The following MFHAS1 variants were observed in gnomAD, a reference collection of about 807,000 sequenced individuals.
MFHAS1 encodes the protein multifunctional ROCO family signaling regulator 1, also known as malignant fibrous histiocytoma-amplified sequence 1.
Under a neutral mutation model 70.4 loss-of-function variants are expected in MFHAS1, and 50 were observed. That is an observed-to-expected ratio of 0.71 (90% confidence interval 0.57 to 0.90). MFHAS1 has a LOEUF of 0.90. Among genes scored for constraint, MFHAS1 ranks in the 40% least tolerant of loss-of-function variants. The pLI, the probability that MFHAS1 is intolerant of heterozygous loss-of-function variation, is 0.00. For synonymous variants in MFHAS1, 952 were observed against 620.0 expected (o/e 1.54, Z -7.96); for missense variants, 1,795 against 1,347.6 (o/e 1.33, Z -5.20).
intron 1 of MFHAS1, among the ~76,000 whole-genome samples, chr8:8,822,526 T>C (rs1806999238): frequency 1.8e-5 from 2 of 112,950 alleles, no homozygotes; most frequent in African/African-American, 3.5e-5. Flanking sequence ...AGGGATCACG[T>C]CAGGGGGATT....
intron 1 of MFHAS1, among the ~76,000 whole-genome samples, chr8:8,814,687 A>G (rs1806671737): frequency 2.6e-5 from 4 of 152,166 alleles, no homozygotes; most frequent in Admixed American, 2.0e-4. Flanking sequence ...AAAACTTAAG[A>G]AAATAAATAA....
chr8:8,795,539 A>T (rs1805862143), intron 2 of MFHAS1, among the ~76,000 whole-genome samples: 1 of 152,274 alleles, frequency 6.6e-6, no homozygotes, highest in African/African-American at 2.4e-5. Flanking sequence ...AGAGCATTAG[A>T]TAACAGTTTC....
Position 8,786,086 on chromosome 8 carries a change from G to C in MFHAS1, c.3126-31C>G, listed in dbSNP as rs112960520. On this transcript the variant is annotated intron_variant, in intron 2 of 2. Transcript: ENST00000276282. Reference sequence around the variant, plus strand: ...TGGGTGGACAACAAGAAAGCACAGAGATGACAAAAACGTACTGGACAATGC... The same window carrying C: ...TGGGTGGACAACAAGAAAGCACAGACATGACAAAAACGTACTGGACAATGC... The C allele has an allele frequency of 3.2e-5, 52 of 1,607,288 alleles. No homozygotes were observed. The African/African-American group carries it at 5.6e-4, about 17-fold the overall frequency.
chr8:8,862,448 C>T (rs1808702816), intron 1 of MFHAS1, among the ~76,000 whole-genome samples: 1 of 149,658 alleles, frequency 6.7e-6, no homozygotes, highest in African/African-American at 2.5e-5. Flanking sequence ...TATAGATTGT[C>T]TCTTCATCTT....
At chr8:8,802,434 T>C (rs1226426286) in intron 1 of MFHAS1, among the ~76,000 whole-genome samples, 5 of 152,202 alleles carry the variant, frequency 3.3e-5, no homozygotes, top group African/African-American at 1.2e-4. Flanking sequence ...TCTAAAGGCT[T>C]ACTCTTCTAA....
At chr8:8,834,362 T>G (rs545613292) in intron 1 of MFHAS1, among the ~76,000 whole-genome samples, 4 of 152,348 alleles carry the variant, frequency 2.6e-5, no homozygotes, top group African/African-American at 9.6e-5. Flanking sequence ...AGTAATGTAC[T>G]AGGCCTTCAC....
chr8:8,820,322 C>G (rs999238988), intron 1 of MFHAS1, among the ~76,000 whole-genome samples: 1 of 151,914 alleles, frequency 6.6e-6, no homozygotes, highest in South Asian at 2.1e-4. Context: ...GCTGTGTGCC[C>G]TTCCCTACAC....
chr8:8,871,240 C>A (rs1161225240), intron 1 of MFHAS1, among the ~76,000 whole-genome samples: 1 of 152,126 alleles, frequency 6.6e-6, no homozygotes, highest in Non-Finnish European at 1.5e-5. Context: ...GTTTACTGAG[C>A]CCTTATTATA....
intron 1 of MFHAS1, among the ~76,000 whole-genome samples, chr8:8,840,290 C>G (rs1807765613): frequency 6.6e-6 from 1 of 152,028 alleles, no homozygotes; most frequent in Non-Finnish European, 1.5e-5. Context: ...AACCCTGTGT[C>G]TACTAAAAAT....
Position 8,845,831 on chromosome 8 carries a change from T to G in MFHAS1, c.2998+44230A>C, listed in dbSNP as rs1408101909. Among the ~76,000 whole-genome samples, 3 of 152,180 alleles carry G rather than the reference T, an allele frequency of 2.0e-5. No individual in the cohort carries two copies. The East Asian group carries it at 5.8e-4, about 29-fold the overall frequency. On this transcript the variant is annotated intron_variant, in intron 1 of 2. Coordinates refer to ENST00000276282, the MANE Select transcript of MFHAS1 (RefSeq NM_004225.3). The stretch of plus-strand genomic sequence containing the variant: ...CACAAAATCTGCTCCTCTCCCTAGC[T>G]TTCCCAGTTCAATAAATAGCAACTC...
intron 1 of MFHAS1, among the ~76,000 whole-genome samples, chr8:8,870,485 T>C (rs1002136392): frequency 2.6e-5 from 4 of 151,814 alleles, no homozygotes; most frequent in African/African-American, 9.7e-5. Context: ...CAAAAAAGGT[T>C]TAAAAAGAAA....
At chr8:8,840,940 C>T (rs965424029) in intron 1 of MFHAS1, among the ~76,000 whole-genome samples, 4 of 152,148 alleles carry the variant, frequency 2.6e-5, no homozygotes, top group Admixed American at 6.5e-5. Context: ...AGCATATTCT[C>T]ATATTGGATT....
chr8:8,811,743 A>G (rs1179476758), intron 1 of MFHAS1, among the ~76,000 whole-genome samples: 2 of 152,198 alleles, frequency 1.3e-5, no homozygotes, highest in African/African-American at 4.8e-5. Context: ...CAGGCCCTAG[A>G]TATATGTTAA....
At chr8:8,793,651 G>A (rs1289687894) in intron 2 of MFHAS1, among the ~76,000 whole-genome samples, 1 of 152,244 alleles carries the variant, frequency 6.6e-6, no homozygotes, top group African/African-American at 2.4e-5. Context: ...GAGGGACTGT[G>A]CTGAGGCTGA....
chr8:8,830,849 G>A (rs1807359636), intron 1 of MFHAS1, among the ~76,000 whole-genome samples: 2 of 152,068 alleles, frequency 1.3e-5, no homozygotes, highest in South Asian at 4.1e-4. Context: ...CGCCCACCTC[G>A]GCCTCCCAAA....
At chr8:8,827,052 GTA>G (rs1807191112) in intron 1 of MFHAS1, among the ~76,000 whole-genome samples, 1 of 152,062 alleles carries the variant, frequency 6.6e-6, no homozygotes, top group Admixed American at 6.6e-5. Context: ...CTGATATCCC[GTA>G]TATCTTTTTA....
chr8:8,858,789 A>C (rs1053165962), intron 1 of MFHAS1, among the ~76,000 whole-genome samples: 6 of 152,184 alleles, frequency 3.9e-5, no homozygotes, highest in African/African-American at 1.4e-4. Flanking sequence ...CAAGCAGTTC[A>C]AATCTATGTT....
chr8:8,851,496 T>C (rs1330260391), intron 1 of MFHAS1, among the ~76,000 whole-genome samples: 1 of 151,956 alleles, frequency 6.6e-6, no homozygotes, highest in Non-Finnish European at 1.5e-5. Flanking sequence ...ACGTGTGGAG[T>C]TGTTATCTAA....
chr8:8,814,469 A>T (rs1443741056), intron 1 of MFHAS1, among the ~76,000 whole-genome samples: 1 of 152,208 alleles, frequency 6.6e-6, no homozygotes, highest in East Asian at 1.9e-4. Context: ...ACAAGCGCCC[A>T]AGGGTGCGTT....
Sources: gnomAD v4.1 joint callset for allele counts (sites outside exome capture counted in the v4.1 genomes callset) on GRCh38, gnomAD v4.1.1 for gene constraint, MANE v1.5 for transcripts, NCBI Gene and HGNC (gene_info 2026-07-23, HGNC 2026-07-21) for gene names.